Variants in MEX3C observed in about 807,000 individuals in gnomAD.
The protein encoded by MEX3C is RNA-binding E3 ubiquitin-protein ligase MEX3C.
A neutral mutation model predicts 35.5 loss-of-function variants in MEX3C; 15 were observed. The observed-to-expected ratio is 0.42, with a 90% CI of 0.28 to 0.65. MEX3C has a LOEUF of 0.65. Among genes scored for constraint, MEX3C ranks in the 30% least tolerant of loss-of-function variants. The probability of loss-of-function intolerance (pLI) is 0.20; values close to 1 mark genes in which losing one functional copy is unlikely to be tolerated. For synonymous variants in MEX3C, 390 were observed against 352.8 expected (o/e 1.11, Z -1.18); for missense variants, 711 against 842.8 (o/e 0.84, Z 1.94).
chr18:51,196,555 C>A lies in MEX3C; in HGVS notation c.754+12G>T. The A allele has an allele frequency of 6.4e-7, 1 of 1,570,164 alleles. No homozygotes were observed. The highest frequency in any genetic ancestry group is 8.6e-7 in the Non-Finnish European group (1 of 1,165,580). On this transcript the variant is annotated intron_variant, in intron 1 of 1. Transcript: ENST00000406189. ...GCCATGCCCAGCTGGACCTCCCCAC[C>A]CCTGCACTCACCCTGGCGGCCGACG...
chr18:51,179,840 A>G (rs1050356037), intron 1 of MEX3C, among the ~76,000 whole-genome samples: 1 of 152,218 alleles, frequency 6.6e-6, no homozygotes, highest in African/African-American at 2.4e-5. Context: ...AGGGGTGTAT[A>G]AACACAGAAC....
chr18:51,181,313 CACAT>C (rs1912424618), intron 1 of MEX3C, among the ~76,000 whole-genome samples: 1 of 137,866 alleles, frequency 7.3e-6, no homozygotes, highest in Admixed American at 7.3e-5. Flanking sequence ...CACAAACACA[CACAT>C]ACACGCATGC....
intron 1 of MEX3C, among the ~76,000 whole-genome samples, chr18:51,191,982 T>C (rs1345440334): frequency 4.6e-5 from 7 of 152,196 alleles, no homozygotes; most frequent in Non-Finnish European, 1.0e-4. Flanking sequence ...AACATTTTTA[T>C]GTTTAAGGCA....
rs944149920 is a variant in MEX3C, at chr18:51,197,644, G to T, written c.-324C>A. 6.7e-6 allele frequency among the ~76,000 whole-genome samples: 1 copy of T among 150,190 alleles called. No homozygotes were observed. Among genetic ancestry groups the T allele is most frequent in the Non-Finnish European group, 1.5e-5 (1 of 67,746 alleles). The stretch of plus-strand genomic sequence containing the variant: ...TGGCCTTAACCAGCCCCCGGCGCGC[G>T]CGGCGGCGGCGGCTACGCCCCACGC... On this transcript the variant is annotated 5_prime_UTR_variant, in exon 1 of 2. Transcript: ENST00000406189.
chr18:51,180,484 T>G (rs888140940), intron 1 of MEX3C, among the ~76,000 whole-genome samples: 44 of 152,046 alleles, frequency 2.9e-4, no homozygotes, highest in African/African-American at 8.7e-4. Flanking sequence ...CTGGTTTTTT[T>G]TTGTTGTTGT....
intron 1 of MEX3C, among the ~76,000 whole-genome samples, chr18:51,178,765 C>T (rs920958996): frequency 1.3e-5 from 2 of 150,872 alleles, no homozygotes; most frequent in African/African-American, 2.4e-5. Flanking sequence ...GAGGCTGAGG[C>T]AGAAGAATTG....
chr18:51,183,392 T>A lies in MEX3C; in HGVS notation c.755-5816A>T, dbSNP rs188627411. On this transcript the variant is annotated intron_variant, in intron 1 of 1. Coordinates refer to ENST00000406189, the MANE Select transcript of MEX3C (RefSeq NM_016626.5). ...ATAAAGAATTGAGTTAATATTTAGG[T>A]CACCAGTAGTGTACAATTAAGCAGA... 3.7e-3 allele frequency among the ~76,000 whole-genome samples: 558 copies of A among 152,304 alleles called. 3 individuals carry two copies. The highest frequency in any genetic ancestry group is 3.7e-3 in the South Asian group (18 of 4,822).
At chr18:51,178,457 G>A (rs758725609) in intron 1 of MEX3C, among the ~76,000 whole-genome samples, 2 of 151,078 alleles carry the variant, frequency 1.3e-5, no homozygotes, top group Non-Finnish European at 2.9e-5. Context: ...AACTTAAAAT[G>A]TCAAGTACAC....
In MEX3C at chr18:51,196,931, C is replaced by T; in HGVS notation, c.390G>A (p.Leu130=). Residue 130 remains leucine, a synonymous_variant, in exon 1 of 2, where the codon CTG becomes CTA. Coordinates refer to ENST00000406189, the MANE Select transcript of MEX3C (RefSeq NM_016626.5). The stretch of plus-strand genomic sequence containing the variant: ...ACCGGTCCTCCTCCTCTGCTTCCTC[C>T]AGCTCCTCCTCCTCCAGCAGGTCTC... ...LDGDLLEEEE[L]EEAEEEDRSS... The T allele has an allele frequency of 6.5e-7, 1 of 1,544,278 alleles. No individual in the cohort carries two copies. The highest frequency in any genetic ancestry group is 8.7e-7 in the Non-Finnish European group (1 of 1,145,964).
intron 1 of MEX3C, among the ~76,000 whole-genome samples, chr18:51,181,644 A>G (rs1373434693): frequency 6.6e-6 from 1 of 152,230 alleles, no homozygotes; most frequent in Non-Finnish European, 1.5e-5. Flanking sequence ...CTGTAGAAAT[A>G]TGTGCACAAG....
intron 1 of MEX3C, among the ~76,000 whole-genome samples, chr18:51,190,080 A>G (rs1447009899): frequency 2.0e-5 from 3 of 152,162 alleles, no homozygotes; most frequent in African/African-American, 7.2e-5. Context: ...CTCAGACTTG[A>G]TCCTCACAAC....
chr18:51,197,619 T>C lies in MEX3C; in HGVS notation c.-299A>G, dbSNP rs1220202891. On this transcript the variant is annotated 5_prime_UTR_variant, in exon 1 of 2. An upstream start codon of the reference 5' UTR is lost. Coordinates refer to ENST00000406189, the MANE Select transcript of MEX3C (RefSeq NM_016626.5). Reference sequence around the variant, plus strand: ...CCCTCTCAGTGTTTCTTTTGTTTCATGGCCTTAACCAGCCCCCGGCGCGCG... The same window carrying C: ...CCCTCTCAGTGTTTCTTTTGTTTCACGGCCTTAACCAGCCCCCGGCGCGCG... 1.3e-5 allele frequency among the ~76,000 whole-genome samples: 2 copies of C among 151,202 alleles called. No homozygotes were observed. Among genetic ancestry groups the C allele is most frequent in the African/African-American group, 2.4e-5 (1 of 41,150 alleles).
At chr18:51,184,423 A>C (rs1368981852) in intron 1 of MEX3C, among the ~76,000 whole-genome samples, 1 of 152,236 alleles carries the variant, frequency 6.6e-6, no homozygotes, top group Non-Finnish European at 1.5e-5. Flanking sequence ...CAAAGTAATA[A>C]AAACTACTAG....
chr18:51,196,362 A>T, intron 1 of MEX3C: 1 of 1,205,464 alleles, frequency 8.3e-7, no homozygotes, highest in Non-Finnish European at 1.1e-6. Context: ...CACACTTTTT[A>T]CCAGGCAAGA....
intron 1 of MEX3C, chr18:51,193,858 T>C (rs1417428607): frequency 6.6e-6 from 1 of 152,224 alleles, no homozygotes. Flanking sequence ...CTAGTCTATG[T>C]GACTCAGAAT....
In MEX3C at chr18:51,197,056, G is replaced by T. The variant is rs1276280233; in HGVS notation, c.265C>A (p.Pro89Thr). ...GQARRAAELS[P>T]EERAPPGRPG... is the part of the protein sequence containing the mutation. ...CGGCCGGGCGGAGCCCGCTCCTCTG[G>T]AGACAGCTCCGCCGCCCGCCGGGCC... is the stretch of plus-strand genomic sequence containing the variant. The change falls in exon 1 of 2, where the codon CCA becomes ACA. Residue 89 changes from proline to threonine, a missense_variant. Pro to Thr is a conservative substitution (Grantham distance 38, BLOSUM62 -1). Around this residue, in one of 4 missense-constraint regions of MEX3C, gnomAD observed 354 missense variants for 311.6 expected, o/e 1.14. Coordinates refer to ENST00000406189, the MANE Select transcript of MEX3C (RefSeq NM_016626.5). 6.9e-7 allele frequency: 1 copy of T among 1,449,442 alleles called. No individual in the cohort carries two copies. The highest frequency in any genetic ancestry group is 2.7e-5 in the Admixed American group (1 of 37,554). 89.8% of individuals were successfully genotyped at this position (1,449,442 alleles called of 1,614,324 possible).
At chr18:51,181,802 TA>T (rs1375798407) in intron 1 of MEX3C, among the ~76,000 whole-genome samples, 4 of 152,222 alleles carry the variant, frequency 2.6e-5, no homozygotes, top group African/African-American at 4.8e-5. Context: ...TATTCTTATT[TA>T]TTTTTTTTAA....
Position 51,176,846 on chromosome 18 carries a change from G to A in MEX3C, c.1485C>T (p.Asp495=), listed in dbSNP as rs1427327199. Reference sequence around the variant, plus strand: ...TTGGTAAAGAGTCAAAGGCAGGAGAGTCAACTGCTAGGTCTTCTGAGCCTA... The same window carrying A: ...TTGGTAAAGAGTCAAAGGCAGGAGAATCAACTGCTAGGTCTTCTGAGCCTA... ...PSVGSEDLAV[D]SPAFDSLPTS... is the part of the protein sequence containing the mutation. Residue 495 remains aspartate (D), a synonymous_variant, in exon 2 of 2, where the codon GAC becomes GAT. Transcript: ENST00000406189. 1.2e-6 allele frequency: 2 copies of A among 1,613,904 alleles called. No individual in the cohort carries two copies. Among genetic ancestry groups the A allele is most frequent in the South Asian group, 1.1e-5 (1 of 91,088 alleles).
At position 51,177,972 on chromosome 18, in the gene MEX3C, T is replaced by C. The variant is rs1912340079; in HGVS notation, c.755-396A>G. Among the ~76,000 whole-genome samples the C allele has an allele frequency of 6.6e-6, 1 of 152,236 alleles. No individual in the cohort carries two copies. The highest frequency in any genetic ancestry group is 1.5e-5 in the Non-Finnish European group (1 of 68,044). Reference sequence around the variant, plus strand: ...GCCTGCTATGATTCAGTTTTGTTTATTCCCATGTTGTTTGTGGTAGGTGTA... The same window carrying C: ...GCCTGCTATGATTCAGTTTTGTTTACTCCCATGTTGTTTGTGGTAGGTGTA... On this transcript the variant is annotated intron_variant, in intron 1 of 1. Coordinates refer to ENST00000406189, the MANE Select transcript of MEX3C (RefSeq NM_016626.5). This position sits in a 1 kb window ranked among gnomAD's most constrained non-coding sequence, Gnocchi z 4.2.
Sources: allele counts gnomAD v4.1 joint callset (sites outside exome capture counted in the v4.1 genomes callset), GRCh38; gene constraint gnomAD v4.1.1; regional missense constraint gnomAD v4.1.1; non-coding constraint Gnocchi (gnomAD v3.1); transcripts MANE v1.5; gene names NCBI Gene and HGNC (gene_info 2026-07-23, HGNC 2026-07-21).